CASK: variants seen among roughly 807,000 people sequenced by gnomAD.
CASK encodes the protein calcium/calmodulin dependent serine protein kinase.
A neutral mutation model predicts 82.9 loss-of-function variants in CASK; 4 were observed. The observed-to-expected ratio is 0.05, with a 90% CI of 0.02 to 0.11. CASK has a LOEUF of 0.11. Ranked by LOEUF, CASK falls within the 10% of genes least tolerant of loss-of-function variation. CASK has a pLI of 1.00. For synonymous variants in CASK, 259 were observed against 253.5 expected, an observed-to-expected ratio of 1.02 and a Z score of -0.20; for missense variants, 358 against 720.9, an observed-to-expected ratio of 0.50 and a Z score of 5.76.
At chrX:41,606,695 CT>C (rs1381115981) in intron 12 of CASK, among the ~76,000 whole-genome samples, 1,045 of 101,247 alleles carry the variant, frequency 0.01, 6 homozygotes, top group Non-Finnish European at 0.012. Context: ...GATACTGCAC[CT>C]TTTTTTTTTT....
chrX:41,744,975 A>T (rs997269505), intron 4 of CASK, among the ~76,000 whole-genome samples: 1 of 112,002 alleles, frequency 8.9e-6, no homozygotes, highest in Non-Finnish European at 1.9e-5. Flanking sequence ...AGACAGCAGT[A>T]CTGAAAATGT....
At chrX:41,543,755 A>G (rs1602237570) in intron 21 of CASK, among the ~76,000 whole-genome samples, 1 of 111,682 alleles carries the variant, frequency 9.0e-6, no homozygotes, top group African/African-American at 3.3e-5. Flanking sequence ...CACGATCAGA[A>G]TGCCATATGG....
intron 8 of CASK, among the ~76,000 whole-genome samples, chrX:41,650,190 T>C (rs748874696): frequency 4.1e-4 from 46 of 111,692 alleles, no homozygotes; most frequent in African/African-American, 1.4e-3. Context: ...CACTGATGGG[T>C]CTTGACTCTT....
chrX:41,824,390 T>C lies in CASK; in HGVS notation c.172+28725A>G, dbSNP rs767408080. Among the ~76,000 whole-genome samples, 15 of 112,000 alleles carry C rather than the reference T, an allele frequency of 1.3e-4. No individual in the cohort carries two copies. The South Asian group carries it at 5.2e-3, about 39-fold the overall frequency. Reference sequence around the variant, plus strand: ...ACTACTGGAGATTGACTGTGAATATTTTTCCAACTGGCACAACATTAAGCT... The same window carrying C: ...ACTACTGGAGATTGACTGTGAATATCTTTCCAACTGGCACAACATTAAGCT... On this transcript the variant is annotated intron_variant, in intron 2 of 26. Coordinates refer to ENST00000378163, the MANE Select transcript of CASK (RefSeq NM_001367721.1).
At chrX:41,674,913 C>T (rs1472205140) in intron 5 of CASK, among the ~76,000 whole-genome samples, 1 of 108,897 alleles carries the variant, frequency 9.2e-6, no homozygotes, top group Non-Finnish European at 1.9e-5. Flanking sequence ...ACAGCACATG[C>T]ATGTTAGGCA....
At position 41,787,293 on chromosome X, in the gene CASK, A is replaced by G; in HGVS notation, c.173-10T>C. On this transcript the variant is annotated splice_polypyrimidine_tract_variant and intron_variant, in intron 2 of 26. Coordinates refer to ENST00000378163, the MANE Select transcript of CASK (RefSeq NM_001367721.1). ...GCTTCCCGCTTTAGATCTGTAAAAC[A>G]AACATACAGCATACTTCATTAGGTA... 2.0e-6 allele frequency: 2 copies of G among 1,003,597 alleles called. No individual in the cohort carries two copies. The highest frequency in any genetic ancestry group is 2.8e-6 in the Non-Finnish European group (2 of 705,666). The allele number at this position is 1,003,597 out of a possible 1,213,427, so 82.7% of individuals were successfully genotyped here. A position where few individuals can be genotyped will look rare whatever the true frequency, so the allele number is the denominator to read the frequency against.
chrX:41,867,068 T>C (rs1435162981), intron 1 of CASK, among the ~76,000 whole-genome samples: 1 of 112,319 alleles, frequency 8.9e-6, no homozygotes, highest in Non-Finnish European at 1.9e-5. Flanking sequence ...GTTTGGGAAT[T>C]GGTGTTTTTA....
intron 1 of CASK, among the ~76,000 whole-genome samples, chrX:41,877,986 C>CA (rs200922694): frequency 0.011 from 1,200 of 106,752 alleles, 5 homozygotes; most frequent in Middle Eastern, 0.019. Context: ...GGGAAAGAAA[C>CA]AAAAAAAAAT....
chrX:41,798,590 T>C (rs1489719494), intron 2 of CASK, among the ~76,000 whole-genome samples: 1 of 112,617 alleles, frequency 8.9e-6, no homozygotes, highest in Non-Finnish European at 1.9e-5. Flanking sequence ...ATCCCAGCAC[T>C]TTGGGAGGCC....
intron 2 of CASK, among the ~76,000 whole-genome samples, chrX:41,833,156 G>T (rs1456902406): frequency 9.0e-6 from 1 of 111,547 alleles, no homozygotes; most frequent in Non-Finnish European, 1.9e-5. Context: ...TCAAGTAGGT[G>T]AATTTTTAAA....
At chrX:41,622,875 C>T (rs777756517) in intron 10 of CASK, among the ~76,000 whole-genome samples, 1 of 108,478 alleles carries the variant, frequency 9.2e-6, no homozygotes, top group Non-Finnish European at 1.9e-5. Context: ...AATATTTCAA[C>T]ATTGATTTTT....
At position 41,534,936 on chromosome X, in the gene CASK, T is replaced by C. The variant is rs1253131683; in HGVS notation, c.2193A>G (p.Val731=). Residue 731 remains valine (V), a synonymous_variant, in exon 23 of 27, where the codon GTA becomes GTG. Transcript: ENST00000378163. The part of the protein sequence containing the change: ...DQLDLVTYEE[V]VKLPAFKRKT... ...TCCTCTTGAATGCTGGCAGTTTTAC[T>C]ACTTCTTCATATGTGACAAGATCTA... The C allele has an allele frequency of 5.0e-6, 6 of 1,196,888 alleles. No individual in the cohort carries two copies. Among genetic ancestry groups the C allele is most frequent in the Non-Finnish European group, 6.8e-6 (6 of 883,823 alleles).
In CASK at chrX:41,724,501, G is replaced by C. The variant is rs184372475; in HGVS notation, c.429+14883C>G. 2.7e-5 allele frequency among the ~76,000 whole-genome samples: 3 copies of C among 112,355 alleles called. No homozygotes were observed. The East Asian group carries it at 8.4e-4, about 31-fold the overall frequency. On this transcript the variant is annotated intron_variant, in intron 5 of 26. Transcript: ENST00000378163. ...CAAAATGTATGCATGAGTGACTTGA[G>C]ATAGACATTCTCCTGAGGGGAATAT...
intron 8 of CASK, among the ~76,000 whole-genome samples, chrX:41,640,939 T>C (rs1262476344): frequency 9.4e-6 from 1 of 106,100 alleles, no homozygotes; most frequent in Non-Finnish European, 1.9e-5. Context: ...GCTAGTAAAA[T>C]CACAAGATTT....
chrX:41,774,831 T>A (rs1276434648), intron 3 of CASK, among the ~76,000 whole-genome samples: 3 of 111,127 alleles, frequency 2.7e-5, no homozygotes, highest in African/African-American at 6.6e-5. Flanking sequence ...TGGCTAGCCA[T>A]ATATAGAAAG....
In CASK at chrX:41,669,039, T is replaced by A. The variant is rs191039892; in HGVS notation, c.532+2389A>T. On this transcript the variant is annotated intron_variant, in intron 6 of 26. Transcript: ENST00000378163. The stretch of plus-strand genomic sequence containing the variant: ...CGTGCCCAACCTTAATTACCAAAAT[T>A]TCAAAAGTACCTTAAACAGCAGAAA... Among the ~76,000 whole-genome samples the A allele has an allele frequency of 1.2e-3, 135 of 111,732 alleles. 1 individual carries two copies. Among genetic ancestry groups the A allele is most frequent in the African/African-American group, 4.0e-3 (124 of 30,780 alleles).
At chrX:41,632,602 C>G (rs768522372) in intron 9 of CASK, among the ~76,000 whole-genome samples, 75 of 111,856 alleles carry the variant, frequency 6.7e-4, no homozygotes, top group Non-Finnish European at 1.1e-3. Context: ...GAAATGTAAA[C>G]AGTTACATAT....
intron 3 of CASK, among the ~76,000 whole-genome samples, chrX:41,778,867 GA>G (rs77375507): frequency 2.1e-3 from 187 of 87,394 alleles, no homozygotes; most frequent in Middle Eastern, 6.5e-3. Context: ...CAGTTAAAAA[GA>G]AAAAAAAAAA....
chrX:41,704,275 C>T (rs931406933), intron 5 of CASK, among the ~76,000 whole-genome samples: 1 of 111,872 alleles, frequency 8.9e-6, no homozygotes, highest in African/African-American at 3.2e-5. Context: ...GGCACTTATG[C>T]ATTCCTCAAG....
Sources: allele counts gnomAD v4.1 joint callset (sites outside exome capture counted in the v4.1 genomes callset), GRCh38; gene constraint gnomAD v4.1.1; transcripts MANE v1.5; gene names NCBI Gene and HGNC (gene_info 2026-07-23, HGNC 2026-07-21).